Variants in ADRA1A observed in about 807,000 individuals in gnomAD.
ADRA1A encodes adrenoceptor alpha 1A, also known as alpha-1A adrenergic receptor.
A neutral mutation model predicts 29.6 loss-of-function variants in ADRA1A; 31 were observed. The ratio of observed to expected loss-of-function variants is 1.05; its 90% CI spans 0.79 to 1.41. The LOEUF is 1.41. ADRA1A is among the 40% of genes most tolerant of loss of function. ADRA1A has a pLI of 0.00. For missense variants in ADRA1A, 619 were observed against 601.1 expected, an observed-to-expected ratio of 1.03 and a Z score of -0.31; for synonymous variants, 311 against 254.3, an observed-to-expected ratio of 1.22 and a Z score of -2.12.
chr8:26,854,455 C>T (rs1407395942), intron 2 of ADRA1A: 1 of 146,076 alleles, frequency 6.8e-6, no homozygotes, highest in African/African-American at 2.5e-5. Context: ...GTGCTTTCTC[C>T]CATTCTCCAT....
At chr8:26,798,563 T>C (rs1456613850) in intron 2 of ADRA1A, among the ~76,000 whole-genome samples, 2 of 152,186 alleles carry the variant, frequency 1.3e-5, no homozygotes, top group African/African-American at 4.8e-5. Context: ...ACAGAGATGA[T>C]AATTCAGTAT....
At position 26,806,644 on chromosome 8, in the gene ADRA1A, C is replaced by A. The variant is rs950903639; in HGVS notation, c.884-35978G>T. 2.6e-5 allele frequency among the ~76,000 whole-genome samples: 4 copies of A among 152,156 alleles called. No homozygotes were observed. Among genetic ancestry groups the A allele is most frequent in the African/African-American group, 9.7e-5 (4 of 41,436 alleles). On this transcript the variant is annotated intron_variant, in intron 2 of 2. Coordinates refer to ENST00000380573, the MANE Select transcript of ADRA1A (RefSeq NM_000680.4). This position sits in a 1 kb window ranked among gnomAD's most constrained non-coding sequence, Gnocchi z 4.6. The stretch of plus-strand genomic sequence containing the variant: ...AAATGGCCTATAGCTTAGAATGGAA[C>A]CTCTCTAATCGCCAGAGAGTCCGAG...
At chr8:26,861,339 C>G (rs964289964) in intron 2 of ADRA1A, among the ~76,000 whole-genome samples, 2 of 144,334 alleles carry the variant, frequency 1.4e-5, no homozygotes, top group African/African-American at 5.2e-5. Context: ...GAGCCTCGCT[C>G]TGCACCCAGG....
rs1484495051 is a variant in ADRA1A, at chr8:26,775,136, T to C, written c.884-4470A>G. On this transcript the variant is annotated intron_variant, in intron 2 of 2. Transcript: ENST00000380573. The surrounding 1 kb of genome is among the most constrained non-coding windows in gnomAD (Gnocchi z 4.1). ...GGAGCTCCAGAATCCAGTAAAATGC[T>C]AGAGTCTTGAAGGCATTCTCCTAGT... Among the ~76,000 whole-genome samples the C allele has an allele frequency of 6.6e-6, 1 of 152,200 alleles. No individual in the cohort carries two copies. Among genetic ancestry groups the C allele is most frequent in the Non-Finnish European group, 1.5e-5 (1 of 68,040 alleles).
In ADRA1A at chr8:26,787,428, G is replaced by A. The variant is rs1807480707; in HGVS notation, c.884-16762C>T. ...AACCCACACATACTATATTCTGTCT[G>A]AAAAGACTTTGACAAAATGCAACTA... is the stretch of plus-strand genomic sequence containing the variant. On this transcript the variant is annotated intron_variant, in intron 2 of 2. Transcript: ENST00000380573. The surrounding 1 kb of genome is among the most constrained non-coding windows in gnomAD (Gnocchi z 4.2). Among the ~76,000 whole-genome samples, 1 of 152,106 alleles carries A rather than the reference G, an allele frequency of 6.6e-6. No homozygotes were observed. The highest frequency in any genetic ancestry group is 2.1e-4 in the South Asian group (1 of 4,824).
rs570823232 is a variant in ADRA1A at position 26,858,027 on chromosome 8, G to T, written c.883+6060C>A. Among the ~76,000 whole-genome samples, 3 of 152,306 alleles carry T rather than the reference G, an allele frequency of 2.0e-5. No homozygotes were observed. The East Asian group carries it at 5.8e-4, about 29-fold the overall frequency. On this transcript the variant is annotated intron_variant, in intron 2 of 2. Transcript: ENST00000380573. ...TGAATGAATGAATGAATCATTCTCT[G>T]CCTCATTGCCTCCACCTGATAAATC...
At chr8:26,756,725 AG>A in exon 3 of ADRA1A, 1 of 1,614,160 alleles carries the variant, frequency 6.2e-7, no homozygotes, top group Non-Finnish European at 8.5e-7. Flanking sequence ...TTCCTTGGGC[AG>A]TAAGGACAAC....
intron 2 of ADRA1A, among the ~76,000 whole-genome samples, chr8:26,793,445 T>TAAATAAGTTGGAAAAGAACTAC (rs1807971509): frequency 2.0e-5 from 3 of 151,822 alleles, no homozygotes; most frequent in Admixed American, 2.0e-4. Context: ...GGCATTAGAG[T>TAAATAAGTTGGAAAAGAACTAC]AAATAAGTTG....
intron 2 of ADRA1A, among the ~76,000 whole-genome samples, chr8:26,827,096 T>C (rs1810630472): frequency 6.6e-6 from 1 of 152,224 alleles, no homozygotes; most frequent in African/African-American, 2.4e-5. Context: ...AAATAGATGA[T>C]TCATGCAATG....
rs1200495433 is a variant in ADRA1A at position 26,815,823 on chromosome 8, T to C, written c.884-45157A>G. ...GAGCAAAGTAGCTGTCTGTGTTCCC[T>C]ATAAAACAAAGGGTAAGGCAGTGAG... On this transcript the variant is annotated intron_variant, in intron 2 of 2. Coordinates refer to ENST00000380573, the MANE Select transcript of ADRA1A (RefSeq NM_000680.4). The surrounding 1 kb of genome is among the most constrained non-coding windows in gnomAD (Gnocchi z 4.2). 6.6e-6 allele frequency among the ~76,000 whole-genome samples: 1 copy of C among 152,208 alleles called. No homozygotes were observed. The highest frequency in any genetic ancestry group is 1.5e-5 in the Non-Finnish European group (1 of 68,044).
intron 2 of ADRA1A, among the ~76,000 whole-genome samples, chr8:26,856,652 G>T (rs1443348165): frequency 6.6e-6 from 1 of 152,000 alleles, no homozygotes; most frequent in Non-Finnish European, 1.5e-5. Flanking sequence ...AATAGATCTG[G>T]ACTTAATAGT....
At chr8:26,749,942 C>A (rs1035144527) in intron 2 of ADRA1A, among the ~76,000 whole-genome samples, 2 of 152,172 alleles carry the variant, frequency 1.3e-5, no homozygotes, top group South Asian at 2.1e-4. Context: ...GTGTTTGGTT[C>A]ATGGGGCTAG....
At chr8:26,751,069 CAAA>C (rs35234230) in intron 2 of ADRA1A, among the ~76,000 whole-genome samples, 4 of 138,304 alleles carry the variant, frequency 2.9e-5, no homozygotes, top group Admixed American at 7.3e-5. Flanking sequence ...AACTCTGTCT[CAAA>C]AAAAAAAAAA....
chr8:26,865,709 G>C lies in ADRA1A; in HGVS notation c.-686-54C>G. On this transcript the variant is annotated intron_variant, in intron 1 of 2. Transcript: ENST00000380573. This position sits in a 1 kb window ranked among gnomAD's most constrained non-coding sequence, Gnocchi z 7.6. ...TTGAGCTAGGCGCCCCAGGGAAAGA[G>C]GCTGTGCTGAGCTTGACGGGTTGGG... 1.0e-6 allele frequency: 1 copy of C among 985,816 alleles called. No individual in the cohort carries two copies. Among genetic ancestry groups the C allele is most frequent in the South Asian group, 4.7e-5 (1 of 21,290 alleles). The allele number at this position is 985,816 out of a possible 1,614,324, so 61.1% of individuals were successfully genotyped here.
chr8:26,804,989 A>G (rs1808864697), intron 2 of ADRA1A, among the ~76,000 whole-genome samples: 1 of 152,352 alleles, frequency 6.6e-6, no homozygotes, highest in Non-Finnish European at 1.5e-5. Context: ...GCATACACAC[A>G]TACACACATG....
Position 26,821,890 on chromosome 8 carries a change from A to T in ADRA1A, c.883+42197T>A, listed in dbSNP as rs1810197660. Among the ~76,000 whole-genome samples the T allele has an allele frequency of 6.6e-6, 1 of 152,222 alleles. No individual in the cohort carries two copies. The highest frequency in any genetic ancestry group is 2.4e-5 in the African/African-American group (1 of 41,458). ...GGATTGGCTTTTTCCACTTAGCATT[A>T]TTCTCTGGTACTTCATCTAGAGAAT... is the stretch of plus-strand genomic sequence containing the variant. On this transcript the variant is annotated intron_variant, in intron 2 of 2. Coordinates refer to ENST00000380573, the MANE Select transcript of ADRA1A (RefSeq NM_000680.4). The surrounding 1 kb of genome is among the most constrained non-coding windows in gnomAD (Gnocchi z 5.6).
At chr8:26,766,203 G>A (rs558657608), downstream of ADRA1A, 33 of 1,176,732 alleles carry the variant, frequency 2.8e-5, no homozygotes, top group East Asian at 1.6e-4. Flanking sequence ...GAGTTATGTC[G>A]TATTTGCTTT....
chr8:26,777,551 C>CT (rs1421834091), intron 2 of ADRA1A, among the ~76,000 whole-genome samples: 3 of 152,146 alleles, frequency 2.0e-5, no homozygotes, highest in African/African-American at 4.8e-5. Context: ...CTTCGCTAGT[C>CT]TTTTTTTCCC....
chr8:26,783,114 T>C (rs1469967522), intron 2 of ADRA1A, among the ~76,000 whole-genome samples: 2 of 152,206 alleles, frequency 1.3e-5, no homozygotes, highest in Non-Finnish European at 1.5e-5. Context: ...CTCACACTCT[T>C]GCCAGAGAGA....
Sources: gnomAD v4.1 joint callset for allele counts (sites outside exome capture counted in the v4.1 genomes callset) on GRCh38, gnomAD v4.1.1 for gene constraint, Gnocchi (gnomAD v3.1) non-coding constraint, MANE v1.5 for transcripts, NCBI Gene and HGNC (gene_info 2026-07-23, HGNC 2026-07-21) for gene names.